Variants in ENPP1 observed in about 807,000 individuals in gnomAD.
ENPP1 encodes the protein ectonucleotide pyrophosphatase/phosphodiesterase family member 1.
ENPP1 carries 73 observed loss-of-function variants against 122.8 expected under a neutral mutation model. That is an observed-to-expected ratio of 0.59 (90% CI 0.49 to 0.72). The LOEUF is 0.72. Ranked by LOEUF, ENPP1 falls within the 30% of genes least tolerant of loss-of-function variation. The probability of loss-of-function intolerance (pLI) is 0.00; values close to 1 mark genes in which losing one functional copy is unlikely to be tolerated. For synonymous variants in ENPP1, 367 were observed against 391.6 expected (o/e 0.94, Z 0.74); for missense variants, 978 against 1,128.1 (o/e 0.87, Z 1.91).
At chr6:131,877,794 A>C (rs977439221) in intron 18 of ENPP1, 2 of 133,476 alleles carry the variant, frequency 1.5e-5, no homozygotes, top group Non-Finnish European at 3.1e-5. Context: ...AGCCAAGATC[A>C]CACCATCGCA....
intron 9 of ENPP1, among the ~76,000 whole-genome samples, chr6:131,862,914 GT>G (rs947567393): frequency 7.7e-5 from 11 of 143,316 alleles, no homozygotes; most frequent in South Asian, 2.3e-4. Flanking sequence ...CTGTGTGTGT[GT>G]TTTTTTTTTC....
At chr6:131,861,975 C>T (rs1034729184) in intron 9 of ENPP1, among the ~76,000 whole-genome samples, 2 of 152,018 alleles carry the variant, frequency 1.3e-5, no homozygotes, top group African/African-American at 4.8e-5. Flanking sequence ...TTGAGACCAG[C>T]CTGACCAAAG....
chr6:131,891,571 T>C lies in ENPP1; in HGVS notation c.*1060T>C, dbSNP rs1782470087. 1 of 152,220 alleles carries C rather than the reference T, an allele frequency of 6.6e-6. No homozygotes were observed. The highest frequency in any genetic ancestry group is 2.1e-4 in the South Asian group (1 of 4,830). The allele number at this position is 152,220 out of a possible 1,614,324, so 9.4% of individuals were successfully genotyped here. Reference sequence around the variant, plus strand: ...AGCTTTTTATCCCTACCTGTGAACCTTCAAAGACTGCATTAACTTTTAGGC... The same window carrying C: ...AGCTTTTTATCCCTACCTGTGAACCCTCAAAGACTGCATTAACTTTTAGGC... On this transcript the variant is annotated 3_prime_UTR_variant, in exon 25 of 25. Coordinates refer to ENST00000647893, the MANE Select transcript of ENPP1 (RefSeq NM_006208.3).
intron 11 of ENPP1, among the ~76,000 whole-genome samples, chr6:131,866,430 CA>C (rs1025001684): frequency 2.0e-5 from 3 of 152,118 alleles, no homozygotes; most frequent in Non-Finnish European, 4.4e-5. Context: ...TCAGCAACAG[CA>C]GAGGAAGGAA....
At chr6:131,863,615 A>G (rs1421759816) in intron 9 of ENPP1, among the ~76,000 whole-genome samples, 1 of 151,978 alleles carries the variant, frequency 6.6e-6, no homozygotes, top group Non-Finnish European at 1.5e-5. Context: ...TTCCATGGAC[A>G]GTAATTAAGA....
chr6:131,816,685 A>T (rs1781418545), intron 1 of ENPP1, among the ~76,000 whole-genome samples: 2 of 152,214 alleles, frequency 1.3e-5, no homozygotes, highest in Non-Finnish European at 2.9e-5. Flanking sequence ...GTGTCTTTGA[A>T]AAATTATTTT....
intron 9 of ENPP1, among the ~76,000 whole-genome samples, chr6:131,862,894 G>GTT (rs201230672): frequency 6.6e-6 from 1 of 150,390 alleles, no homozygotes; most frequent in Non-Finnish European, 1.5e-5. Flanking sequence ...GCAAGAAGTT[G>GTT]TTTTTTTTTC....
At chr6:131,884,861 T>A (rs1236195632) in intron 22 of ENPP1, 70 bp from the exon 23 acceptor site, 1 of 1,513,520 alleles carries the variant, frequency 6.6e-7, no homozygotes, top group Non-Finnish European at 9.2e-7. Context: ...AATCATGGTG[T>A]TAATTTATTT....
Position 131,861,598 on chromosome 6 carries a change from TG to T in ENPP1, c.922del (p.Val308SerfsTer44), listed in dbSNP as rs1782024142. The T allele has an allele frequency of 6.2e-7, 1 of 1,601,378 alleles. No homozygotes were observed. The highest frequency in any genetic ancestry group is 8.6e-7 in the Non-Finnish European group (1 of 1,168,430). On this transcript the variant is annotated frameshift_variant, in exon 9 of 25. Coordinates refer to ENST00000647893, the MANE Select transcript of ENPP1 (RefSeq NM_006208.3). LOFTEE classifies it high-confidence loss of function. The stretch of plus-strand genomic sequence containing the variant: ...TTTCCTTCATTTTCTGCTCCAGATT[TG>T]GGTCACAGCTAAGTATCAAGGCCTC... ...NPEWYKGEPIWVTAKYQGLKS... is the reference protein window; with the variant it reads ...NPEWYKGEPIXVTAKYQGLKS...
intron 1 of ENPP1, chr6:131,827,449 G>T (rs1781559285): frequency 1.5e-6 from 1 of 666,214 alleles, no homozygotes; most frequent in Non-Finnish European, 2.7e-6. Flanking sequence ...AGACTGTAGA[G>T]TACATCCAAA....
intron 1 of ENPP1, among the ~76,000 whole-genome samples, chr6:131,846,725 T>C (rs755020042): frequency 5.9e-5 from 9 of 152,186 alleles, no homozygotes; most frequent in Non-Finnish European, 1.3e-4. Flanking sequence ...TTGCGCATCA[T>C]TGGTACTCAA....
At chr6:131,818,580 G>A (rs1004753241) in intron 1 of ENPP1, among the ~76,000 whole-genome samples, 3 of 151,758 alleles carry the variant, frequency 2.0e-5, no homozygotes, top group African/African-American at 7.3e-5. Flanking sequence ...CCCAGGAGGC[G>A]GAGGTTGCAG....
intron 3 of ENPP1, among the ~76,000 whole-genome samples, chr6:131,850,314 A>T (rs570806954): frequency 6.6e-6 from 1 of 152,306 alleles, no homozygotes; most frequent in South Asian, 2.1e-4. Context: ...TAAACATTTT[A>T]TGGATAGCAG....
Position 131,862,375 on chromosome 6 carries a change from A to G in ENPP1, c.1025+671A>G, listed in dbSNP as rs141805691. Among the ~76,000 whole-genome samples the G allele has an allele frequency of 5.6e-3, 859 of 152,300 alleles. 8 individuals are homozygous for G. Among genetic ancestry groups the G allele is most frequent in the African/African-American group, 0.018 (765 of 41,550 alleles). On this transcript the variant is annotated intron_variant, in intron 9 of 24. Coordinates refer to ENST00000647893, the MANE Select transcript of ENPP1 (RefSeq NM_006208.3). ...AGAAAAAGAACTGTAACTGCCCAAC[A>G]GGTTCATCTTGCACACTTCCTAGAC... is the stretch of plus-strand genomic sequence containing the variant.
At chr6:131,810,402 ATTC>A (rs1781332945) in intron 1 of ENPP1, among the ~76,000 whole-genome samples, 1 of 151,402 alleles carries the variant, frequency 6.6e-6, no homozygotes, top group Admixed American at 6.6e-5. Context: ...GCAAACTCGT[ATTC>A]TTCTTTCCCT....
At chr6:131,875,935 A>G in intron 17 of ENPP1, 72 bp downstream of exon 17, 8 of 1,218,178 alleles carry the variant, frequency 6.6e-6, no homozygotes, top group African/African-American at 1.5e-5. Flanking sequence ...AGCAGGTCAC[A>G]TTGTAGGCAA....
At chr6:131,864,406 G>A in intron 9 of ENPP1, 100 bp from the exon 10 acceptor site, 1 of 756,036 alleles carries the variant, frequency 1.3e-6, no homozygotes, top group Non-Finnish European at 2.3e-6. Flanking sequence ...ATGCGAAATA[G>A]CATTTAGTAG....
At chr6:131,852,045 T>G in intron 4 of ENPP1, 130 bp from the exon 5 acceptor site, 1 of 670,822 alleles carries the variant, frequency 1.5e-6, no homozygotes, top group Non-Finnish European at 2.7e-6. Context: ...ACCTCCAGAG[T>G]CATGTCCTGT....
intron 1 of ENPP1, among the ~76,000 whole-genome samples, chr6:131,836,117 C>CTT (rs35069563): frequency 0.12 from 16,930 of 143,664 alleles, 1,016 homozygotes; most frequent in East Asian, 0.18. Flanking sequence ...GTGTGGTTTT[C>CTT]TTTTTTTTTT....
Sources: gnomAD v4.1 joint callset for allele counts (sites outside exome capture counted in the v4.1 genomes callset) on GRCh38, gnomAD v4.1.1 for gene constraint, MANE v1.5 for transcripts, NCBI Gene and HGNC (gene_info 2026-07-23, HGNC 2026-07-21) for gene names.